ZFYVE26: variants seen among roughly 807,000 people sequenced by gnomAD.
ZFYVE26 encodes the protein zinc finger FYVE-type containing 26, also known as zinc finger FYVE domain-containing protein 26.
A neutral mutation model predicts 276.5 loss-of-function variants in ZFYVE26; 181 were observed. That is an observed-to-expected ratio of 0.65 (90% CI 0.58 to 0.74). The LOEUF is 0.74. Ranked by LOEUF, ZFYVE26 falls within the 30% of genes least tolerant of loss-of-function variation. ZFYVE26 has a pLI of 0.00. For synonymous variants in ZFYVE26, 1,129 were observed against 1,203.1 expected, an observed-to-expected ratio of 0.94 and a Z score of 1.27; for missense variants, 2,821 against 3,097.9, an observed-to-expected ratio of 0.91 and a Z score of 2.12.
intron 26 of ZFYVE26, 130 bp downstream of exon 26, chr14:67,775,730 G>GCT (rs1459060353): frequency 5.4e-6 from 7 of 1,301,814 alleles, no homozygotes; most frequent in Non-Finnish European, 7.6e-6. Flanking sequence ...TAAAGAGATA[G>GCT]CTCTTCTGAA....
intron 13 of ZFYVE26, among the ~76,000 whole-genome samples, chr14:67,733,102 C>T (rs2038306372): frequency 6.6e-6 from 1 of 150,544 alleles, no homozygotes; most frequent in African/African-American, 2.4e-5. Context: ...GCACATGTAC[C>T]CTAAAACTTA....
At chr14:67,805,068 G>C in intron 8 of ZFYVE26, 149 bp downstream of exon 8, 1 of 727,964 alleles carries the variant, frequency 1.4e-6, no homozygotes, top group Non-Finnish European at 2.4e-6. Flanking sequence ...TTTCTTTCTT[G>C]GTTTAATTGT....
chr14:67,752,285 TG>T, intron 40 of ZFYVE26, 58 bp downstream of exon 40: 1 of 1,544,750 alleles, frequency 6.5e-7, no homozygotes, highest in Non-Finnish European at 8.8e-7. Context: ...ACAATAAAGA[TG>T]GGGATGTGAA....
In ZFYVE26 at chr14:67,802,221, C is replaced by G; in HGVS notation, c.1497G>C (p.Gln499His). Residue 499 changes from glutamine (Q) to histidine (H), a missense_variant, in exon 10 of 42, where the codon CAG becomes CAC. Coordinates refer to ENST00000347230, the MANE Select transcript of ZFYVE26 (RefSeq NM_015346.4). ...TGGCATACTTCATGGCACAGAAGCC[C>G]TGGTAGAGTGTCAGGTTCTGACACT... ...LSQCQNLTLY[Q>H]GFCAMKYAIY... is the part of the protein sequence containing the mutation. 1.9e-6 allele frequency: 3 copies of G among 1,614,190 alleles called. No homozygotes were observed. In the South Asian group the frequency reaches 3.3e-5, roughly 18 times the overall value.
At chr14:67,795,708 T>A (rs1490362982) in intron 12 of ZFYVE26, among the ~76,000 whole-genome samples, 1 of 152,196 alleles carries the variant, frequency 6.6e-6, no homozygotes, top group Non-Finnish European at 1.5e-5. Context: ...TCCTGCATAA[T>A]GCGCCTATAT....
At chr14:67,731,618 TTAATA>T (rs950850915) in intron 13 of ZFYVE26, among the ~76,000 whole-genome samples, 9 of 151,986 alleles carry the variant, frequency 5.9e-5, no homozygotes, top group African/African-American at 2.2e-4. Context: ...ATATCATATT[TTAATA>T]TAATATGTAA....
intron 35 of ZFYVE26, among the ~76,000 whole-genome samples, chr14:67,758,391 CCATTT>C (rs2038842848): frequency 6.6e-6 from 1 of 152,144 alleles, no homozygotes; most frequent in African/African-American, 2.4e-5. Context: ...TCCATGCCAT[CCATTT>C]ATCTATCCAC....
chr14:67,737,184 C>G (rs551699572), intron 13 of ZFYVE26, among the ~76,000 whole-genome samples: 28 of 149,324 alleles, frequency 1.9e-4, no homozygotes, highest in Non-Finnish European at 3.3e-4. Flanking sequence ...CTGTCTTGGC[C>G]TATCAAAGTG....
chr14:67,733,645 T>C, intron 13 of ZFYVE26: 1 of 774,468 alleles, frequency 1.3e-6, no homozygotes, highest in Middle Eastern at 2.4e-4. Flanking sequence ...TGGCATATAT[T>C]GTATTTTATT....
At chr14:67,782,169 C>T (rs2039517910) in intron 21 of ZFYVE26, among the ~76,000 whole-genome samples, 1 of 152,222 alleles carries the variant, frequency 6.6e-6, no homozygotes, top group South Asian at 2.1e-4. Context: ...ACTCTTGTTG[C>T]AACACTGCTA....
At chr14:67,759,493 A>T (rs1458028433) in intron 35 of ZFYVE26, among the ~76,000 whole-genome samples, 3 of 151,796 alleles carry the variant, frequency 2.0e-5, no homozygotes, top group South Asian at 2.1e-4. Context: ...GCGTGGTGGC[A>T]TGTGCCTGTA....
intron 34 of ZFYVE26, 62 bp from the exon 35 acceptor site, chr14:67,761,646 A>C: frequency 5.5e-6 from 8 of 1,442,202 alleles, no homozygotes; most frequent in Non-Finnish European, 5.8e-6. Flanking sequence ...AGGCACTGAA[A>C]ATATTGCTTG....
At chr14:67,732,129 A>C (rs1478529563) in intron 13 of ZFYVE26, among the ~76,000 whole-genome samples, 13 of 118,314 alleles carry the variant, frequency 1.1e-4, no homozygotes, top group African/African-American at 3.9e-4. Context: ...TCTGTCTCAA[A>C]AAAAAAAAAA....
intron 41 of ZFYVE26, 81 bp downstream of exon 41, chr14:67,750,971 G>A: frequency 6.5e-7 from 1 of 1,537,804 alleles, no homozygotes; most frequent in Non-Finnish European, 9.0e-7. Flanking sequence ...ACTATTGTGG[G>A]GAGCAAGGGA....
intron 35 of ZFYVE26, among the ~76,000 whole-genome samples, chr14:67,757,889 AT>A (rs1296754325): frequency 6.6e-6 from 1 of 151,594 alleles, no homozygotes; most frequent in Non-Finnish European, 1.5e-5. Flanking sequence ...TAGTTTTTGT[AT>A]TTTTAGTAGA....
At position 67,807,863 on chromosome 14, in the gene ZFYVE26, T is replaced by G; in HGVS notation, c.421A>C (p.Arg141=). 2 of 1,613,936 alleles carry G rather than the reference T, an allele frequency of 1.2e-6. No individual in the cohort carries two copies. Among genetic ancestry groups the G allele is most frequent in the South Asian group, 2.2e-5 (2 of 91,074 alleles). Reference sequence around the variant, plus strand: ...AGACGAGGAGTCCAGCTCTCCCTCCTTGGATTTCCGTCAGGCACGTGGCCT... The same window carrying G: ...AGACGAGGAGTCCAGCTCTCCCTCCGTGGATTTCCGTCAGGCACGTGGCCT... The part of the protein sequence containing the change: ...AVGHVPDGNP[R]RESWTPRLSS... The change falls in exon 5 of 42, where the codon AGG becomes CGG. Residue 141 remains arginine (R), a synonymous_variant. Transcript: ENST00000347230.
chr14:67,754,972 A>AAGAGT (rs529056744), intron 37 of ZFYVE26, 79 bp downstream of exon 37: 65 of 1,489,018 alleles, frequency 4.4e-5, no homozygotes, highest in Non-Finnish European at 5.7e-5. Context: ...AGGAATGGAC[A>AAGAGT]AGAGTAGCTT....
chr14:67,782,388 G>A (rs1004491820), intron 21 of ZFYVE26, among the ~76,000 whole-genome samples: 11 of 152,318 alleles, frequency 7.2e-5, no homozygotes, highest in African/African-American at 2.6e-4. Context: ...AGTTACGAGC[G>A]AGACTGTGGC....
At chr14:67,729,924 C>G in intron 13 of ZFYVE26, 1 of 418,068 alleles carries the variant, frequency 2.4e-6, no homozygotes, top group East Asian at 7.0e-5. Context: ...AATCTCTTTC[C>G]CATTCCATGA....
Sources: allele counts gnomAD v4.1 joint callset (sites outside exome capture counted in the v4.1 genomes callset), GRCh38; gene constraint gnomAD v4.1.1; transcripts MANE v1.5; gene names NCBI Gene and HGNC (gene_info 2026-07-23, HGNC 2026-07-21).